PITPNB: variants seen among roughly 807,000 people sequenced by gnomAD.
PITPNB encodes phosphatidylinositol transfer protein beta isoform.
A neutral mutation model predicts 45.9 loss-of-function variants in PITPNB; 16 were observed. The ratio of observed to expected loss-of-function variants is 0.35; its 90% CI spans 0.24 to 0.53. The LOEUF (loss-of-function observed/expected upper bound fraction) is 0.53. Among genes scored for constraint, PITPNB ranks in the 20% least tolerant of loss-of-function variants. PITPNB has a pLI of 0.93. For synonymous variants in PITPNB, 112 were observed against 108.9 expected (o/e 1.03, Z -0.18); for missense variants, 188 against 330.5 (o/e 0.57, Z 3.34).
At chr22:27,909,360 T>C (rs372050947) in intron 3 of PITPNB, among the ~76,000 whole-genome samples, 1 of 151,692 alleles carries the variant, frequency 6.6e-6, no homozygotes, top group Non-Finnish European at 1.5e-5. Context: ...GCCACCACAC[T>C]TGGCCAGCAT....
chr22:27,868,272 GGGT>G (rs1934542373), intron 8 of PITPNB, among the ~76,000 whole-genome samples: 1 of 152,154 alleles, frequency 6.6e-6, no homozygotes, highest in Non-Finnish European at 1.5e-5. Context: ...TTGAGTCTCT[GGGT>G]GGCTTTCCTG....
intron 7 of PITPNB, among the ~76,000 whole-genome samples, chr22:27,875,200 T>C (rs969988648): frequency 1.4e-4 from 22 of 152,198 alleles, no homozygotes; most frequent in African/African-American, 5.1e-4. Context: ...TCTCTAAAGG[T>C]TGTCTACAAA....
At chr22:27,854,736 T>A (rs1208837565) in intron 11 of PITPNB, 118 bp downstream of exon 11, 1 of 562,870 alleles carries the variant, frequency 1.8e-6, no homozygotes, top group African/African-American at 1.9e-5. Flanking sequence ...ATATTTATCT[T>A]TTAAATTCTA....
rs200535513 is a variant in PITPNB, at chr22:27,853,088, A to C, written c.*614T>G. 118 of 152,782 alleles carry C rather than the reference A, an allele frequency of 7.7e-4. 1 individual carries two copies. The East Asian group carries it at 0.012, about 16-fold the overall frequency. The allele number at this position is 152,782 out of a possible 1,614,324, so 9.5% of individuals were successfully genotyped here. A position where few individuals can be genotyped will look rare whatever the true frequency, so the allele number is the denominator to read the frequency against. ...TCCAGAAATAAATAGTTATAAATAC[A>C]TTCAGAGTTTACATCCCAGATTCAT... On this transcript the variant is annotated 3_prime_UTR_variant, in exon 12 of 12. Coordinates refer to ENST00000335272, the MANE Select transcript of PITPNB (RefSeq NM_012399.5).
chr22:27,872,017 C>CA (rs950992141), intron 8 of PITPNB, among the ~76,000 whole-genome samples: 2 of 151,108 alleles, frequency 1.3e-5, no homozygotes, highest in Non-Finnish European at 3.0e-5. Context: ...GAAGCCTCCC[C>CA]AAAAGCAGAT....
chr22:27,857,739 G>C (rs1393819914), intron 10 of PITPNB, among the ~76,000 whole-genome samples: 1 of 152,222 alleles, frequency 6.6e-6, no homozygotes, highest in East Asian at 1.9e-4. Context: ...AGCCAGGGAA[G>C]AATCCATCCC....
chr22:27,880,776 C>T (rs1311980415), intron 7 of PITPNB, among the ~76,000 whole-genome samples: 1 of 152,134 alleles, frequency 6.6e-6, no homozygotes, highest in East Asian at 1.9e-4. Context: ...GCACATGCCA[C>T]CATGCCCAGC....
chr22:27,893,287 CTT>C (rs33997388), intron 7 of PITPNB, among the ~76,000 whole-genome samples: 17 of 141,316 alleles, frequency 1.2e-4, no homozygotes, highest in Middle Eastern at 3.6e-3. Flanking sequence ...CTGTTTTTTC[CTT>C]TTTTTTTTTT....
intron 7 of PITPNB, among the ~76,000 whole-genome samples, chr22:27,888,501 T>G (rs1235504476): frequency 6.6e-6 from 1 of 152,234 alleles, no homozygotes; most frequent in Non-Finnish European, 1.5e-5. Flanking sequence ...ATCAAATTGA[T>G]TTTGTATTCC....
intron 2 of PITPNB, among the ~76,000 whole-genome samples, chr22:27,913,285 C>T (rs1362726217): frequency 6.6e-6 from 1 of 152,132 alleles, no homozygotes; most frequent in Non-Finnish European, 1.5e-5. Flanking sequence ...TACTCTTTTT[C>T]ACTTCCTGCA....
In PITPNB at chr22:27,853,421, T is replaced by A. The variant is rs895275483; in HGVS notation, c.*281A>T. 1 of 531,964 alleles carries A rather than the reference T, an allele frequency of 1.9e-6. No individual in the cohort carries two copies. Among genetic ancestry groups the A allele is most frequent in the Non-Finnish European group, 3.3e-6 (1 of 299,870 alleles). The allele number at this position is 531,964 out of a possible 1,614,324, so 33.0% of individuals were successfully genotyped here. A position where few individuals can be genotyped will look rare whatever the true frequency, so the allele number is the denominator to read the frequency against. On this transcript the variant is annotated 3_prime_UTR_variant, in exon 12 of 12. Transcript: ENST00000335272. ...AGAAATTGTACTAATCCCTTCAGTA[T>A]GTCTGTATGTACATATATACACAAG... is the stretch of plus-strand genomic sequence containing the variant.
chr22:27,915,841 C>T (rs1349429875), intron 1 of PITPNB, among the ~76,000 whole-genome samples: 1 of 152,172 alleles, frequency 6.6e-6, no homozygotes, highest in Non-Finnish European at 1.5e-5. Flanking sequence ...ACCTGGAATA[C>T]TATGGTAAGA....
intron 3 of PITPNB, 37 bp downstream of exon 3, chr22:27,910,927 A>T: frequency 6.5e-7 from 1 of 1,546,884 alleles, no homozygotes; most frequent in Non-Finnish European, 8.9e-7. Context: ...TAAGTAAGCC[A>T]GGTAGTTACA....
At chr22:27,918,411 T>G (rs1035704142) in intron 1 of PITPNB, among the ~76,000 whole-genome samples, 1 of 152,062 alleles carries the variant, frequency 6.6e-6, no homozygotes, top group Non-Finnish European at 1.5e-5. Context: ...GCAAGCAGAT[T>G]TCCGTAATGT....
intron 8 of PITPNB, 139 bp downstream of exon 8, chr22:27,873,599 G>GT (rs1934732779): frequency 3.3e-6 from 2 of 615,050 alleles, no homozygotes; most frequent in South Asian, 1.9e-5. Context: ...GCAACTGGCT[G>GT]TAAGTCCTTA....
chr22:27,876,904 C>A (rs1195910620), intron 7 of PITPNB, among the ~76,000 whole-genome samples: 6 of 152,100 alleles, frequency 3.9e-5, no homozygotes, highest in Non-Finnish European at 2.9e-5. Flanking sequence ...GAAGAGAAGC[C>A]CTTGGCTCAT....
intron 7 of PITPNB, among the ~76,000 whole-genome samples, chr22:27,878,062 T>G (rs970651162): frequency 6.6e-6 from 1 of 152,238 alleles, no homozygotes; most frequent in South Asian, 2.1e-4. Flanking sequence ...TAGCATACAA[T>G]GATTAATTAG....
At chr22:27,860,900 AAG>A (rs1018864465) in intron 8 of PITPNB, among the ~76,000 whole-genome samples, 5 of 152,058 alleles carry the variant, frequency 3.3e-5, no homozygotes, top group Non-Finnish European at 7.4e-5. Context: ...TTAAAGAGCC[AAG>A]AGATGCTGGG....
At chr22:27,897,278 T>C in intron 4 of PITPNB, 141 bp from the exon 5 acceptor site, 1 of 727,348 alleles carries the variant, frequency 1.4e-6, no homozygotes. Context: ...AATTTATGTC[T>C]GCAAAACAGT....
Sources: gnomAD v4.1 joint callset for allele counts (sites outside exome capture counted in the v4.1 genomes callset) on GRCh38, gnomAD v4.1.1 for gene constraint, MANE v1.5 for transcripts, NCBI Gene and HGNC (gene_info 2026-07-23, HGNC 2026-07-21) for gene names.